The following CFAP44 variants were observed in gnomAD, a reference collection of about 807,000 sequenced individuals.
The protein encoded by CFAP44 is cilia and flagella associated protein 44.
Under a neutral mutation model 216.2 loss-of-function variants are expected in CFAP44, and 134 were observed. That is an observed-to-expected ratio of 0.62 (90% CI 0.54 to 0.72). The LOEUF is 0.72. Ranked by LOEUF, CFAP44 falls within the 30% of genes least tolerant of loss-of-function variation. The probability of loss-of-function intolerance (pLI) is 0.00; values close to 1 mark genes in which losing one functional copy is unlikely to be tolerated. For missense variants in CFAP44, 2,035 were observed against 2,182.1 expected (o/e 0.93, Z 1.34); for synonymous variants, 700 against 727.6 (o/e 0.96, Z 0.61).
intron 22 of CFAP44, among the ~76,000 whole-genome samples, chr3:113,347,105 C>T (rs7623625): frequency 2.4e-4 from 37 of 152,228 alleles, no homozygotes; most frequent in African/African-American, 7.7e-4. Flanking sequence ...CCTTAGAATT[C>T]GGGGGCTAAA....
Position 113,296,754 on chromosome 3 carries a change from C to G in CFAP44, c.5209G>C (p.Ala1737Pro), listed in dbSNP as rs1022817426. 6.5e-7 allele frequency: 1 copy of G among 1,537,840 alleles called. No individual in the cohort carries two copies. The highest frequency in any genetic ancestry group is 8.7e-7 in the Non-Finnish European group (1 of 1,147,012). ...CACATCTTCATCTCTTTCGCATTTG[C>G]TAGCTCCTTTCGAAGTTTTCTGATC... ...LKIRKLRKEL[A>P]NAKEMKMWEE... The change falls in exon 33 of 35, where the codon GCA becomes CCA. Residue 1737 changes from alanine (A) to proline (P), a missense_variant. Around this residue, in one of 3 missense-constraint regions of CFAP44, gnomAD observed 1,883 missense variants for 2,023.7 expected, o/e 0.93. Transcript: ENST00000393845.
At chr3:113,312,748 T>C (rs1326661029) in intron 28 of CFAP44, among the ~76,000 whole-genome samples, 1 of 152,078 alleles carries the variant, frequency 6.6e-6, no homozygotes, top group Non-Finnish European at 1.5e-5. Flanking sequence ...GGGAAAAACA[T>C]AGAGGTGGGG....
At chr3:113,325,007 A>T (rs1442608315) in intron 28 of CFAP44, among the ~76,000 whole-genome samples, 1 of 152,138 alleles carries the variant, frequency 6.6e-6, no homozygotes, top group Admixed American at 6.5e-5. Context: ...TATCATTTAA[A>T]ATCACTAAAA....
intron 1 of CFAP44, among the ~76,000 whole-genome samples, chr3:113,438,050 T>C (rs961723892): frequency 1.3e-5 from 2 of 152,198 alleles, no homozygotes; most frequent in African/African-American, 4.8e-5. Flanking sequence ...TTGGAAAACT[T>C]AAAAACGTAC....
chr3:113,416,478 G>T, intron 6 of CFAP44, 47 bp downstream of exon 6: 2 of 1,415,550 alleles, frequency 1.4e-6, no homozygotes, highest in Non-Finnish European at 2.0e-6. Flanking sequence ...TCTTCAGAAT[G>T]TTGTTATCCT....
chr3:113,347,836 G>A (rs1485859525), intron 22 of CFAP44, among the ~76,000 whole-genome samples: 1 of 152,146 alleles, frequency 6.6e-6, no homozygotes, highest in African/African-American at 2.4e-5. Flanking sequence ...TTATAGGACA[G>A]GGGTAAAGTC....
intron 15 of CFAP44, among the ~76,000 whole-genome samples, chr3:113,394,454 C>T (rs2107352280): frequency 6.6e-6 from 1 of 152,322 alleles, no homozygotes; most frequent in Non-Finnish European, 1.5e-5. Flanking sequence ...TCCTTTGCAG[C>T]TATCACTCCC....
chr3:113,375,774 C>T (rs958394327), intron 17 of CFAP44, among the ~76,000 whole-genome samples: 5 of 151,958 alleles, frequency 3.3e-5, no homozygotes, highest in Admixed American at 6.6e-5. Context: ...TGAGCTGAGA[C>T]GGCACCATTG....
At chr3:113,352,852 A>G (rs1339638611) in intron 22 of CFAP44, among the ~76,000 whole-genome samples, 1 of 152,208 alleles carries the variant, frequency 6.6e-6, no homozygotes, top group Non-Finnish European at 1.5e-5. Context: ...ATTGGTAAAG[A>G]TGAAAACATT....
intron 15 of CFAP44, among the ~76,000 whole-genome samples, chr3:113,394,810 C>T (rs1231393820): frequency 6.6e-6 from 1 of 152,206 alleles, no homozygotes; most frequent in Non-Finnish European, 1.5e-5. Context: ...CACATGCATG[C>T]AGCCCACAGG....
At chr3:113,309,265 A>AT (rs1290408490) in intron 28 of CFAP44, among the ~76,000 whole-genome samples, 1 of 152,192 alleles carries the variant, frequency 6.6e-6, no homozygotes, top group Non-Finnish European at 1.5e-5. Context: ...GTATTATCTT[A>AT]TTACCTGGCT....
intron 4 of CFAP44, 148 bp downstream of exon 4, chr3:113,425,976 A>C: frequency 1.1e-6 from 1 of 903,604 alleles, no homozygotes; most frequent in Non-Finnish European, 1.7e-6. Flanking sequence ...ACAAAATGTA[A>C]GCAAATGGAT....
At chr3:113,312,057 G>C (rs904104186) in intron 28 of CFAP44, among the ~76,000 whole-genome samples, 2 of 148,832 alleles carry the variant, frequency 1.3e-5, no homozygotes, top group African/African-American at 2.5e-5. Context: ...TTTTGTGTGT[G>C]TCTGTGTGTG....
chr3:113,379,235 G>T, intron 17 of CFAP44, 71 bp downstream of exon 17: 1 of 1,114,924 alleles, frequency 9.0e-7, no homozygotes, highest in Non-Finnish European at 1.2e-6. Flanking sequence ...GAGTAAGAAA[G>T]AATGAAGTTA....
intron 15 of CFAP44, among the ~76,000 whole-genome samples, chr3:113,385,739 A>C (rs188195906): frequency 2.0e-3 from 297 of 151,950 alleles, no homozygotes; most frequent in Non-Finnish European, 3.3e-3. Context: ...TCCCGGGTTC[A>C]AGCGATTCTC....
At chr3:113,406,580 C>T (rs544320140) in intron 8 of CFAP44, among the ~76,000 whole-genome samples, 89 of 150,664 alleles carry the variant, frequency 5.9e-4, no homozygotes, top group Non-Finnish European at 1.0e-3. Context: ...GCGGAGATCG[C>T]GCCACTGCAC....
Position 113,356,906 on chromosome 3 carries a change from C to CACACATACACACACATAT in CFAP44, c.3065+1821_3065+1838dup, listed in dbSNP as rs552451365. Among the ~76,000 whole-genome samples the CACACATACACACACATAT allele has an allele frequency of 3.9e-3, 589 of 152,226 alleles. 3 individuals are homozygous for CACACATACACACACATAT. The highest frequency in any genetic ancestry group is 0.014 in the African/African-American group (567 of 41,522). On this transcript the variant is annotated intron_variant, in intron 22 of 34. Coordinates refer to ENST00000393845, the MANE Select transcript of CFAP44 (RefSeq NM_001164496.2). ...GGTATTTTATATGTGTAAACACACA[C>CACACATACACACACATAT]ACACATACACACACATATACACATA... is the stretch of plus-strand genomic sequence containing the variant.
rs1949791018 is a variant in CFAP44, at chr3:113,288,046, G to A, written c.*3511C>T. 6.6e-6 allele frequency: 1 copy of A among 152,174 alleles called. No individual in the cohort carries two copies. The highest frequency in any genetic ancestry group is 1.5e-5 in the Non-Finnish European group (1 of 68,024). 9.4% of individuals were successfully genotyped at this position (152,174 alleles called of 1,614,324 possible). ...ATGGAGACTGATGCTTGCAATGAAA[G>A]CCTTACTACGCTTTGTGTTTTGGGG... On this transcript the variant is annotated 3_prime_UTR_variant, in exon 35 of 35. Transcript: ENST00000393845.
chr3:113,368,288 T>G (rs1321958745), intron 18 of CFAP44, among the ~76,000 whole-genome samples: 1 of 151,996 alleles, frequency 6.6e-6, no homozygotes, highest in Admixed American at 6.6e-5. Context: ...CACATAATTG[T>G]CAGATTCACC....
Sources: gnomAD v4.1 joint callset for allele counts (sites outside exome capture counted in the v4.1 genomes callset) on GRCh38, gnomAD v4.1.1 for gene constraint, gnomAD v4.1.1 regional missense constraint, MANE v1.5 for transcripts, NCBI Gene and HGNC (gene_info 2026-07-23, HGNC 2026-07-21) for gene names.